The following ITGA8 variants were observed in gnomAD, a reference collection of about 807,000 sequenced individuals.
The protein encoded by ITGA8 is integrin alpha-8.
ITGA8 carries 91 observed loss-of-function variants against 142.3 expected under a neutral mutation model. That is an observed-to-expected ratio of 0.64 (90% CI 0.54 to 0.76). The LOEUF (loss-of-function observed/expected upper bound fraction) is 0.76, where lower values mean the gene tolerates loss of function less well. ITGA8 is among the 30% of genes least tolerant of loss of function. The probability of loss-of-function intolerance (pLI) is 0.00; values close to 1 mark genes in which losing one functional copy is unlikely to be tolerated. For synonymous variants in ITGA8, 505 were observed against 485.2 expected, an observed-to-expected ratio of 1.04 and a Z score of -0.54; for missense variants, 1,406 against 1,327.7, an observed-to-expected ratio of 1.06 and a Z score of -0.92.
intron 2 of ITGA8, among the ~76,000 whole-genome samples, chr10:15,688,989 C>A (rs1319735794): frequency 6.6e-6 from 1 of 152,110 alleles, no homozygotes; most frequent in African/African-American, 2.4e-5. Flanking sequence ...TAAGTCCTAA[C>A]CAGAGCAGTT....
chr10:15,617,644 C>T (rs1420266337), intron 13 of ITGA8, among the ~76,000 whole-genome samples: 1 of 151,896 alleles, frequency 6.6e-6, no homozygotes, highest in East Asian at 1.9e-4. Context: ...CATGATCCAC[C>T]CGCCTCGGCC....
At chr10:15,602,562 A>G (rs1833122972) in intron 20 of ITGA8, among the ~76,000 whole-genome samples, 1 of 151,896 alleles carries the variant, frequency 6.6e-6, no homozygotes, top group Non-Finnish European at 1.5e-5. Flanking sequence ...ATATAGCAAA[A>G]CCCCCTCTCT....
At chr10:15,533,197 C>A (rs367798379) in intron 27 of ITGA8, among the ~76,000 whole-genome samples, 2 of 152,112 alleles carry the variant, frequency 1.3e-5, no homozygotes, top group Admixed American at 1.3e-4. Context: ...ATTAGATAAA[C>A]GCTTTTTTCC....
chr10:15,637,507 T>G (rs1012165798), intron 13 of ITGA8, among the ~76,000 whole-genome samples: 25 of 139,676 alleles, frequency 1.8e-4, no homozygotes, highest in African/African-American at 6.0e-4. Context: ...TCTTTAAATT[T>G]TTTTTTTTTT....
chr10:15,557,242 T>C (rs1833903186), intron 26 of ITGA8, among the ~76,000 whole-genome samples: 1 of 152,086 alleles, frequency 6.6e-6, no homozygotes. Context: ...TAGCTGGGCA[T>C]GGTGGCATGT....
At chr10:15,556,172 G>A (rs887927933) in intron 26 of ITGA8, among the ~76,000 whole-genome samples, 2 of 150,294 alleles carry the variant, frequency 1.3e-5, no homozygotes, top group Non-Finnish European at 3.0e-5. Flanking sequence ...GATTACAGGC[G>A]CCTGCCACCA....
intron 13 of ITGA8, among the ~76,000 whole-genome samples, chr10:15,624,538 C>A (rs1350160827): frequency 6.6e-6 from 1 of 152,158 alleles, no homozygotes; most frequent in Non-Finnish European, 1.5e-5. Flanking sequence ...CAGTTTCTGG[C>A]TTTCTCCCTG....
chr10:15,605,732 C>G lies in ITGA8; in HGVS notation c.1962G>C (p.Ser654=). The G allele has an allele frequency of 6.2e-7, 1 of 1,612,818 alleles. No individual in the cohort carries two copies. The highest frequency in any genetic ancestry group is 8.5e-7 in the Non-Finnish European group (1 of 1,178,938). ...DNLCVPDLKL[S]ARPDKHQVII... ...TAGTTATTTAAACTTACGGTCTAGC[C>G]GACAGCTTCAAGTCAGGAACACACA... Residue 654 remains serine, a synonymous_variant, in exon 19 of 30, where the codon TCG becomes TCC. Transcript: ENST00000378076.
chr10:15,607,689 G>C lies in ITGA8; in HGVS notation c.1752C>G (p.Ile584Met). 6.2e-7 allele frequency: 1 copy of C among 1,613,752 alleles called. No individual in the cohort carries two copies. The highest frequency in any genetic ancestry group is 1.1e-5 in the South Asian group (1 of 91,060). The change falls in exon 17 of 30, where the codon ATC becomes ATG. Residue 584 changes from isoleucine to methionine, a missense_variant. Physicochemically the swap from Ile to Met is conservative, Grantham distance 10. Coordinates refer to ENST00000378076, the MANE Select transcript of ITGA8 (RefSeq NM_003638.3). ...RQKSHQCQDFIVYLRDETEFR... is the reference protein window; with the variant it reads ...RQKSHQCQDFMVYLRDETEFR... ...CTGGAATACTTACTCGAAGGTAAAC[G>C]ATGAAATCCTGGCACTGGTGGGATT...
intron 2 of ITGA8, among the ~76,000 whole-genome samples, chr10:15,700,707 G>A (rs373315464): frequency 1.0e-3 from 155 of 151,940 alleles, no homozygotes; most frequent in African/African-American, 3.5e-3. Context: ...CAAAGAACTC[G>A]AACAAATCAG....
At chr10:15,549,201 G>GTTTTGTTTTTTTTTTTTTT (rs1833741165) in intron 26 of ITGA8, among the ~76,000 whole-genome samples, 1 of 107,342 alleles carries the variant, frequency 9.3e-6, no homozygotes, top group Non-Finnish European at 1.7e-5. Context: ...TTTCTTTTCT[G>GTTTTGTTTTTTTTTTTTTT]TTTTTTTTTT....
chr10:15,650,748 A>G (rs1274315161), intron 11 of ITGA8, among the ~76,000 whole-genome samples: 3 of 152,188 alleles, frequency 2.0e-5, no homozygotes, highest in Admixed American at 2.0e-4. Context: ...GTACACTTCC[A>G]TGCTAATGCT....
chr10:15,711,497 T>C (rs1307055691), intron 2 of ITGA8, among the ~76,000 whole-genome samples: 5 of 152,058 alleles, frequency 3.3e-5, no homozygotes, highest in African/African-American at 1.2e-4. Context: ...GTTCATATTA[T>C]TTATACATTT....
In ITGA8 at chr10:15,659,130, A is replaced by G. The variant is rs1045486801; in HGVS notation, c.892-75T>C. 6 of 980,362 alleles carry G rather than the reference A, an allele frequency of 6.1e-6. No individual in the cohort carries two copies. The Middle Eastern group carries it at 9.3e-4, about 153-fold the overall frequency. The allele number at this position is 980,362 out of a possible 1,614,324, so 60.7% of individuals were successfully genotyped here. On this transcript the variant is annotated intron_variant, in intron 9 of 29. Transcript: ENST00000378076. The stretch of plus-strand genomic sequence containing the variant: ...GCCTTTTTTAAAAACTACAACTTGA[A>G]TCATTTAAAATTTTTTGTAAAGTGT...
chr10:15,658,769 G>T (rs1834232778), intron 10 of ITGA8, among the ~76,000 whole-genome samples: 1 of 152,122 alleles, frequency 6.6e-6, no homozygotes, highest in African/African-American at 2.4e-5. Flanking sequence ...TTATTTGCTT[G>T]TTAATAAACT....
chr10:15,656,054 C>A (rs936840075), intron 10 of ITGA8, among the ~76,000 whole-genome samples: 2 of 152,156 alleles, frequency 1.3e-5, no homozygotes, highest in African/African-American at 4.8e-5. Context: ...AACTGCACTC[C>A]AGCCTGGGTG....
At chr10:15,704,950 G>T (rs1286855747) in intron 2 of ITGA8, among the ~76,000 whole-genome samples, 1 of 151,922 alleles carries the variant, frequency 6.6e-6, no homozygotes, top group Admixed American at 6.6e-5. Flanking sequence ...TATAGTAAAG[G>T]GTCCCAACCA....
chr10:15,635,154 G>A (rs529263612), intron 13 of ITGA8, among the ~76,000 whole-genome samples: 6 of 151,650 alleles, frequency 4.0e-5, no homozygotes, highest in Admixed American at 1.3e-4. Flanking sequence ...CTACAGGCAC[G>A]TGCTACCATG....
intron 27 of ITGA8, among the ~76,000 whole-genome samples, chr10:15,542,483 C>A (rs1454260375): frequency 6.6e-6 from 1 of 152,054 alleles, no homozygotes; most frequent in African/African-American, 2.4e-5. Context: ...TTATTGGATT[C>A]TGAAATAGCA....
Sources: gnomAD v4.1 joint callset for allele counts (sites outside exome capture counted in the v4.1 genomes callset) on GRCh38, gnomAD v4.1.1 for gene constraint, MANE v1.5 for transcripts, NCBI Gene and HGNC (gene_info 2026-07-23, HGNC 2026-07-21) for gene names.